Variants in CHN2 observed in about 807,000 individuals in gnomAD.
CHN2 encodes beta-chimaerin.
In CHN2, 35 loss-of-function variants were observed where a neutral mutation model predicts 56.3. The observed-to-expected ratio is 0.62, with a 90% confidence interval of 0.47 to 0.82. The LOEUF (loss-of-function observed/expected upper bound fraction) is 0.82. Among genes scored for constraint, CHN2 ranks in the 40% least tolerant of loss-of-function variants. CHN2 has a pLI of 0.00. For synonymous variants in CHN2, 210 were observed against 212.8 expected (o/e 0.99, Z 0.12); for missense variants, 491 against 580.5 (o/e 0.85, Z 1.58).
intron 6 of CHN2, among the ~76,000 whole-genome samples, chr7:29,430,734 CT>C (rs1782782809): frequency 7.0e-6 from 1 of 143,002 alleles, no homozygotes; most frequent in African/African-American, 2.6e-5. Context: ...CCAAGCTTAA[CT>C]TAACAGAGGC....
chr7:29,374,247 C>G (rs371643322), intron 3 of CHN2, among the ~76,000 whole-genome samples: 9 of 152,040 alleles, frequency 5.9e-5, no homozygotes, highest in East Asian at 1.9e-4. Context: ...AGGCCTTTTT[C>G]TTGATGCAGT....
At chr7:29,328,007 A>G (rs570602689) in intron 1 of CHN2, among the ~76,000 whole-genome samples, 1 of 152,304 alleles carries the variant, frequency 6.6e-6, no homozygotes, top group East Asian at 1.9e-4. Flanking sequence ...CATGGATTCT[A>G]TAGACGTTTT....
chr7:29,248,366 T>G (rs39096), intron 1 of CHN2, among the ~76,000 whole-genome samples: 115,532 of 152,120 alleles, frequency 0.76, 44,282 homozygotes, highest in East Asian at 0.93. Context: ...ACCCTAGTCT[T>G]CCTCCAGCTC....
intron 1 of CHN2, among the ~76,000 whole-genome samples, chr7:29,342,053 T>C (rs141709674): frequency 2.0e-5 from 3 of 152,366 alleles, no homozygotes; most frequent in Non-Finnish European, 4.4e-5. Flanking sequence ...CAATCACTTG[T>C]TTGATGTTCA....
At chr7:29,322,516 G>A (rs1242332846) in intron 1 of CHN2, among the ~76,000 whole-genome samples, 2 of 152,102 alleles carry the variant, frequency 1.3e-5, no homozygotes, top group African/African-American at 4.8e-5. Context: ...CACCTAGTAG[G>A]AGTATTGTGA....
intron 1 of CHN2, among the ~76,000 whole-genome samples, chr7:29,314,435 A>G (rs969591033): frequency 3.3e-5 from 5 of 152,228 alleles, no homozygotes; most frequent in Non-Finnish European, 7.3e-5. Context: ...GTTTTGCAGG[A>G]TGAGGAGAGT....
In CHN2 at chr7:29,393,880, G is replaced by T. The variant is rs148530589; in HGVS notation, c.176+170G>T. 2.0e-4 allele frequency among the ~76,000 whole-genome samples: 30 copies of T among 152,172 alleles called. No homozygotes were observed. In the East Asian group the frequency reaches 5.8e-3, roughly 29 times the overall value. The stretch of plus-strand genomic sequence containing the variant: ...CTTTGAATTAATATTTTTTATAGTA[G>T]TCAAGTGCTTGGTTTCCATTAATGT... On this transcript the variant is annotated intron_variant, in intron 4 of 12. Transcript: ENST00000222792.
chr7:29,440,684 C>CAAAAA (rs556692737), intron 6 of CHN2, among the ~76,000 whole-genome samples: 16 of 45,664 alleles, frequency 3.5e-4, no homozygotes, highest in Middle Eastern at 0.017. Flanking sequence ...GACTCCGTCT[C>CAAAAA]AAAAAAAAAA....
At chr7:29,232,244 A>G (rs1261334547) in intron 1 of CHN2, among the ~76,000 whole-genome samples, 6 of 152,176 alleles carry the variant, frequency 3.9e-5, no homozygotes, top group Non-Finnish European at 8.8e-5. Context: ...TTAGAGTGAA[A>G]TGACACTTTA....
intron 6 of CHN2, among the ~76,000 whole-genome samples, chr7:29,417,333 C>CTTT (rs5883209): frequency 1.7e-5 from 2 of 121,152 alleles, no homozygotes; most frequent in African/African-American, 6.1e-5. Flanking sequence ...TACTGTAACC[C>CTTT]TTTTTTTTTT....
intron 2 of CHN2, among the ~76,000 whole-genome samples, chr7:29,158,224 C>CT (rs2128704823): frequency 6.6e-6 from 1 of 152,300 alleles, no homozygotes; most frequent in East Asian, 1.9e-4. Flanking sequence ...CAATCAAGGA[C>CT]TATCTTCCTT....
At chr7:29,423,470 C>T (rs770128737) in intron 6 of CHN2, among the ~76,000 whole-genome samples, 2 of 152,194 alleles carry the variant, frequency 1.3e-5, no homozygotes, top group Non-Finnish European at 2.9e-5. Context: ...CTGGGGTCAG[C>T]TGGGGTTTTT....
At chr7:29,485,046 T>C (rs986500834) in intron 7 of CHN2, among the ~76,000 whole-genome samples, 38 of 151,992 alleles carry the variant, frequency 2.5e-4, no homozygotes, top group African/African-American at 9.2e-4. Flanking sequence ...AGTTATTCTT[T>C]GTCTCTTATC....
intron 1 of CHN2, among the ~76,000 whole-genome samples, chr7:29,230,648 T>C (rs993134793): frequency 5.9e-5 from 9 of 152,226 alleles, no homozygotes; most frequent in African/African-American, 1.9e-4. Context: ...GCCTCCTCTT[T>C]CTTAAAAATA....
chr7:29,176,954 A>T (rs1479916443), intron 2 of CHN2, among the ~76,000 whole-genome samples: 2 of 152,192 alleles, frequency 1.3e-5, no homozygotes, highest in African/African-American at 4.8e-5. Flanking sequence ...AACAGTGTTT[A>T]TAACTTCCAA....
intron 6 of CHN2, among the ~76,000 whole-genome samples, chr7:29,458,733 A>G (rs1421734159): frequency 6.6e-6 from 1 of 152,226 alleles, no homozygotes; most frequent in Non-Finnish European, 1.5e-5. Context: ...AAACTAAAGT[A>G]TTATCCAAAC....
intron 6 of CHN2, among the ~76,000 whole-genome samples, chr7:29,468,669 A>T (rs573847171): frequency 6.6e-6 from 1 of 152,062 alleles, no homozygotes; most frequent in East Asian, 1.9e-4. Context: ...CTCTTCTCCC[A>T]TTCTTAAAAC....
At chr7:29,226,128 A>G (rs898560239) in intron 1 of CHN2, among the ~76,000 whole-genome samples, 1 of 152,218 alleles carries the variant, frequency 6.6e-6, no homozygotes. Context: ...TGGGGAAAAA[A>G]CACAGAACAA....
intron 2 of CHN2, among the ~76,000 whole-genome samples, chr7:29,355,302 G>T (rs998772338): frequency 1.3e-5 from 2 of 152,056 alleles, no homozygotes; most frequent in African/African-American, 4.8e-5. Flanking sequence ...CAGTTGATCG[G>T]CAAGGACAAA....
Sources: gnomAD v4.1 joint callset for allele counts (sites outside exome capture counted in the v4.1 genomes callset) on GRCh38, gnomAD v4.1.1 for gene constraint, MANE v1.5 for transcripts, NCBI Gene and HGNC (gene_info 2026-07-23, HGNC 2026-07-21) for gene names.